The following AGBL4 variants were observed in gnomAD, a reference collection of about 807,000 sequenced individuals.
AGBL4 encodes cytosolic carboxypeptidase 6.
Under a neutral mutation model 66.4 loss-of-function variants are expected in AGBL4, and 58 were observed. The observed-to-expected ratio is 0.87, with a 90% CI of 0.71 to 1.09. AGBL4 has a LOEUF of 1.09. AGBL4 is among the 50% of genes least tolerant of loss of function. The probability of loss-of-function intolerance (pLI) is 0.00; values close to 1 mark genes in which losing one functional copy is unlikely to be tolerated. For synonymous variants in AGBL4, 234 were observed against 222.9 expected, an observed-to-expected ratio of 1.05 and a Z score of -0.44; for missense variants, 579 against 631.0, an observed-to-expected ratio of 0.92 and a Z score of 0.88.
chr1:49,055,066 T>C (rs1305484071), intron 4 of AGBL4, among the ~76,000 whole-genome samples: 1 of 152,010 alleles, frequency 6.6e-6, no homozygotes, highest in Non-Finnish European at 1.5e-5. Flanking sequence ...GAAAGCAAAA[T>C]TGAAATACAA....
intron 3 of AGBL4, among the ~76,000 whole-genome samples, chr1:49,246,247 C>A (rs1557763455): frequency 6.6e-6 from 1 of 152,016 alleles, no homozygotes; most frequent in East Asian, 1.9e-4. Context: ...ACTTGGTACA[C>A]AATGAATGTC....
intron 6 of AGBL4, among the ~76,000 whole-genome samples, chr1:48,668,308 C>T (rs1471900807): frequency 1.3e-5 from 2 of 152,166 alleles, no homozygotes; most frequent in Admixed American, 1.3e-4. Context: ...CTTTCCAGTG[C>T]ACCCTCTGCC....
intron 4 of AGBL4, among the ~76,000 whole-genome samples, chr1:49,171,731 T>A (rs963124176): frequency 1.3e-5 from 2 of 152,174 alleles, no homozygotes; most frequent in Non-Finnish European, 2.9e-5. Flanking sequence ...TCCAGTACCT[T>A]TGTATATCCT....
chr1:48,757,690 C>T (rs111493867), intron 6 of AGBL4, among the ~76,000 whole-genome samples: 4 of 152,252 alleles, frequency 2.6e-5, no homozygotes, highest in African/African-American at 9.6e-5. Flanking sequence ...GCAAATGACA[C>T]CTACAAATAT....
At chr1:50,019,328 A>ACACACG (rs1215381949) in intron 1 of AGBL4, among the ~76,000 whole-genome samples, 2 of 150,276 alleles carry the variant, frequency 1.3e-5, no homozygotes, top group Non-Finnish European at 3.0e-5. Flanking sequence ...ACACACACAC[A>ACACACG]CACACACATA....
chr1:49,407,215 A>G (rs1033460308), intron 3 of AGBL4, among the ~76,000 whole-genome samples: 1 of 152,086 alleles, frequency 6.6e-6, no homozygotes, highest in African/African-American at 2.4e-5. Flanking sequence ...ATTGTCCTCT[A>G]TAATGTGGGT....
chr1:49,705,712 T>G (rs1480415655), intron 2 of AGBL4, among the ~76,000 whole-genome samples: 1 of 152,134 alleles, frequency 6.6e-6, no homozygotes, highest in East Asian at 1.9e-4. Flanking sequence ...TCAGATACAT[T>G]CCATCATTAC....
intron 4 of AGBL4, among the ~76,000 whole-genome samples, chr1:49,226,534 T>A (rs1410384062): frequency 2.6e-5 from 4 of 152,174 alleles, no homozygotes; most frequent in African/African-American, 4.8e-5. Context: ...TTTATAGGTT[T>A]GACTGCAGCT....
intron 3 of AGBL4, among the ~76,000 whole-genome samples, chr1:49,582,368 CA>C (rs1240467623): frequency 6.6e-6 from 1 of 152,128 alleles, no homozygotes; most frequent in Non-Finnish European, 1.5e-5. Flanking sequence ...CAGCCTTGGC[CA>C]GCAAGTGCAC....
At chr1:48,693,949 T>C (rs1557883474) in intron 6 of AGBL4, among the ~76,000 whole-genome samples, 1 of 150,308 alleles carries the variant, frequency 6.7e-6, no homozygotes. Context: ...CTGACCTGCA[T>C]GGGCTATACT....
intron 2 of AGBL4, among the ~76,000 whole-genome samples, chr1:49,726,730 C>A (rs769398484): frequency 2.0e-5 from 3 of 151,996 alleles, no homozygotes; most frequent in Non-Finnish European, 4.4e-5. Context: ...CTCTAAGGAC[C>A]TTGGGGATGG....
intron 3 of AGBL4, among the ~76,000 whole-genome samples, chr1:49,548,640 T>A (rs1266129761): frequency 6.6e-6 from 1 of 152,218 alleles, no homozygotes; most frequent in Non-Finnish European, 1.5e-5. Flanking sequence ...TTGATCATGG[T>A]GGATTATCTT....
chr1:48,794,159 T>C (rs1388024945), intron 6 of AGBL4, among the ~76,000 whole-genome samples: 3 of 152,196 alleles, frequency 2.0e-5, no homozygotes, highest in African/African-American at 7.2e-5. Context: ...GAACAGTTAG[T>C]GGGGTGTGAC....
chr1:48,846,122 T>A lies in AGBL4; in HGVS notation c.634+21069A>T, dbSNP rs558419350. ...AGTGTGAGAGCCACAACCTGGGAGCTATCATCAGAGAGAATTCAGGCCCAA... is the reference window on the plus strand; with the variant it reads ...AGTGTGAGAGCCACAACCTGGGAGCAATCATCAGAGAGAATTCAGGCCCAA... On this transcript the variant is annotated intron_variant, in intron 6 of 13. Transcript: ENST00000371839. Among the ~76,000 whole-genome samples the A allele has an allele frequency of 6.6e-5, 10 of 152,196 alleles. No individual in the cohort carries two copies. The South Asian group carries it at 8.3e-4, about 13-fold the overall frequency.
At chr1:49,193,251 T>C (rs1045267861) in intron 4 of AGBL4, among the ~76,000 whole-genome samples, 4 of 152,072 alleles carry the variant, frequency 2.6e-5, no homozygotes, top group South Asian at 2.1e-4. Flanking sequence ...CTGGTAGCTT[T>C]GTGTTTAGTT....
chr1:49,441,376 T>TA (rs1361582963), intron 3 of AGBL4, among the ~76,000 whole-genome samples: 1 of 152,068 alleles, frequency 6.6e-6, no homozygotes, highest in Non-Finnish European at 1.5e-5. Context: ...CTCCAGGAAT[T>TA]AAAAAAGGCT....
At chr1:49,512,650 C>T (rs1337255256) in intron 3 of AGBL4, among the ~76,000 whole-genome samples, 2 of 151,912 alleles carry the variant, frequency 1.3e-5, no homozygotes, top group Admixed American at 6.6e-5. Flanking sequence ...GAAGCAGATA[C>T]CATGATGCTT....
chr1:48,999,515 T>C (rs1414532125), intron 5 of AGBL4, among the ~76,000 whole-genome samples: 1 of 152,176 alleles, frequency 6.6e-6, no homozygotes, highest in Non-Finnish European at 1.5e-5. Context: ...GGGTAAGCAC[T>C]GCAAACATCC....
rs573878322 is a variant in AGBL4 at position 49,011,885 on chromosome 1, G to A, written c.594+33699C>T. Among the ~76,000 whole-genome samples the A allele has an allele frequency of 6.3e-4, 40 of 63,994 alleles. No homozygotes were observed. The South Asian group carries it at 0.019, about 30-fold the overall frequency. The allele number at this position is 63,994 out of a possible 152,430, so 42.0% of individuals were successfully genotyped here. ...ATCACACTCTGGGGACTGTTGTGGG[G>A]TGGGGGGTGGGGGGAGGGATAGCAT... On this transcript the variant is annotated intron_variant, in intron 5 of 13. Transcript: ENST00000371839.
Sources: gnomAD v4.1 joint callset for allele counts (sites outside exome capture counted in the v4.1 genomes callset) on GRCh38, gnomAD v4.1.1 for gene constraint, MANE v1.5 for transcripts, NCBI Gene and HGNC (gene_info 2026-07-23, HGNC 2026-07-21) for gene names.